SULT1C2: variants seen among roughly 807,000 people sequenced by gnomAD.
The protein encoded by SULT1C2 is sulfotransferase family 1C member 2, also known as sulfotransferase 1C2.
A neutral mutation model predicts 36.0 loss-of-function variants in SULT1C2; 27 were observed. That is an observed-to-expected ratio of 0.75 (90% CI 0.55 to 1.03). The LOEUF is 1.03. Ranked by LOEUF, SULT1C2 falls within the 50% of genes least tolerant of loss-of-function variation. SULT1C2 has a pLI of 0.00. For missense variants in SULT1C2, 395 were observed against 359.2 expected (o/e 1.10, Z -0.80); for synonymous variants, 121 against 116.0 (o/e 1.04, Z -0.27).
intron 3 of SULT1C2, among the ~76,000 whole-genome samples, chr2:108,296,288 G>C (rs1001458446): frequency 6.6e-6 from 1 of 152,206 alleles, no homozygotes; most frequent in Non-Finnish European, 1.5e-5. Context: ...TCCAGAGAAA[G>C]GATGGTAATC....
chr2:108,294,761 A>C (rs952868288), intron 3 of SULT1C2, among the ~76,000 whole-genome samples: 1 of 151,944 alleles, frequency 6.6e-6, no homozygotes, highest in African/African-American at 2.4e-5. Context: ...CCAAGAATCG[A>C]TAATTCACAC....
At chr2:108,290,278 C>T (rs903027723) in intron 1 of SULT1C2, among the ~76,000 whole-genome samples, 3 of 152,134 alleles carry the variant, frequency 2.0e-5, no homozygotes, top group Admixed American at 1.3e-4. Context: ...CCTGGTGTTG[C>T]CTTGTGTGTC....
At chr2:108,289,854 C>T (rs1234569739) in intron 1 of SULT1C2, among the ~76,000 whole-genome samples, 2 of 152,184 alleles carry the variant, frequency 1.3e-5, no homozygotes, top group Admixed American at 6.5e-5. Flanking sequence ...ATCTCCTTCT[C>T]CCAGCTTTAG....
intron 4 of SULT1C2, chr2:108,302,779 A>G (rs1220062878): frequency 1.3e-5 from 2 of 152,246 alleles, no homozygotes; most frequent in Non-Finnish European, 2.9e-5. Context: ...CAGAAATATT[A>G]AGTAAATAAA....
intron 1 of SULT1C2, among the ~76,000 whole-genome samples, chr2:108,291,337 A>C (rs1676585073): frequency 6.6e-6 from 1 of 152,168 alleles, no homozygotes; most frequent in Admixed American, 6.5e-5. Context: ...TTGTGGTCAC[A>C]TTAGACCCAC....
chr2:108,294,232 C>T lies in SULT1C2; in HGVS notation c.155C>T (p.Thr52Ile), dbSNP rs1339157822. Residue 52 changes from threonine (T) to isoleucine (I), a missense_variant, in exon 3 of 8, where the codon ACA becomes ATA. By Grantham distance (89) the Thr-to-Ile change is moderately conservative. Coordinates refer to ENST00000251481, the MANE Select transcript of SULT1C2 (RefSeq NM_001056.4). ...LLICTYPKAGTTWIQEIVDMI... is the reference protein window; with the variant it reads ...LLICTYPKAGITWIQEIVDMI... ...ATCCTTCCTTTCTGAGCCTCAGGGA[C>T]AACGTGGATTCAGGAAATTGTGGAT... is the stretch of plus-strand genomic sequence containing the variant. 1.9e-6 allele frequency: 3 copies of T among 1,613,636 alleles called. No homozygotes were observed. Among genetic ancestry groups the T allele is most frequent in the Non-Finnish European group, 2.5e-6 (3 of 1,179,840 alleles).
rs1475838758 is a variant in SULT1C2 at position 108,305,937 on chromosome 2, A to G, written c.778+342A>G. Among the ~76,000 whole-genome samples the G allele has an allele frequency of 2.0e-5, 3 of 152,198 alleles. No homozygotes were observed. In the East Asian group the frequency reaches 5.8e-4, roughly 29 times the overall value. ...GACCTCCCAGGGGCCGCTGGATCTCAGGGTCCAGGACTCAGCAGCAGGAGG... is the reference window on the plus strand; with the variant it reads ...GACCTCCCAGGGGCCGCTGGATCTCGGGGTCCAGGACTCAGCAGCAGGAGG... On this transcript the variant is annotated intron_variant, in intron 7 of 7. Coordinates refer to ENST00000251481, the MANE Select transcript of SULT1C2 (RefSeq NM_001056.4).
At chr2:108,290,013 G>A (rs1455445850) in intron 1 of SULT1C2, among the ~76,000 whole-genome samples, 2 of 152,130 alleles carry the variant, frequency 1.3e-5, no homozygotes, top group South Asian at 2.1e-4. Flanking sequence ...CCAGGCCCTC[G>A]GTCATCAGCT....
chr2:108,305,687 C>A, intron 7 of SULT1C2, 92 bp downstream of exon 7: 5 of 1,470,912 alleles, frequency 3.4e-6, no homozygotes, highest in Non-Finnish European at 4.7e-6. Flanking sequence ...TAATTCCAAG[C>A]CAATGCATTT....
At chr2:108,302,197 A>T (rs935886365) in intron 4 of SULT1C2, 1 of 152,196 alleles carries the variant, frequency 6.6e-6, no homozygotes, top group Non-Finnish European at 1.5e-5. Flanking sequence ...GATGACCTGG[A>T]TAATCCAGCA....
chr2:108,302,904 G>T (rs1381211729), intron 4 of SULT1C2: 5 of 152,182 alleles, frequency 3.3e-5, no homozygotes, highest in African/African-American at 9.7e-5. Context: ...AGGTTTGAGG[G>T]TAAAGGTTTG....
At chr2:108,299,727 G>C (rs557486348) in intron 3 of SULT1C2, 1 of 151,980 alleles carries the variant, frequency 6.6e-6, no homozygotes, top group East Asian at 1.9e-4. Context: ...TCCACTTCTG[G>C]GTATATATCC....
chr2:108,303,606 C>T (rs909006772), intron 4 of SULT1C2: 1 of 152,158 alleles, frequency 6.6e-6, no homozygotes, highest in Non-Finnish European at 1.5e-5. Context: ...GGCAGTTCCT[C>T]CAGAGTCAGC....
At chr2:108,294,142 C>T (rs1676664192) in intron 2 of SULT1C2, 87 bp from the exon 3 acceptor site, 4 of 1,568,116 alleles carry the variant, frequency 2.6e-6, no homozygotes, top group African/African-American at 1.4e-5. Context: ...AACACCAAGG[C>T]TCTACATCCT....
At chr2:108,302,897 T>A (rs1170909260) in intron 4 of SULT1C2, 1 of 151,614 alleles carries the variant, frequency 6.6e-6, no homozygotes, top group Admixed American at 6.6e-5. Flanking sequence ...GACAGGAAGG[T>A]TTGAGGGTAA....
chr2:108,300,979 A>G, intron 4 of SULT1C2, 44 bp downstream of exon 4: 1 of 1,610,374 alleles, frequency 6.2e-7, no homozygotes, highest in Non-Finnish European at 8.5e-7. Flanking sequence ...AAAGTAAGCC[A>G]ACCAAAGCGA....
chr2:108,298,514 AC>A (rs1373053927), intron 3 of SULT1C2: 4 of 227,730 alleles, frequency 1.8e-5, no homozygotes, highest in Non-Finnish European at 3.6e-5. Flanking sequence ...AGTAGCTGGG[AC>A]TACAGGTGCG....
intron 1 of SULT1C2, among the ~76,000 whole-genome samples, chr2:108,289,906 A>G (rs1676548600): frequency 6.6e-6 from 1 of 152,174 alleles, no homozygotes; most frequent in South Asian, 2.1e-4. Context: ...AACAAGAGCA[A>G]TACAGTGGGA....
At position 108,306,380 on chromosome 2, in the gene SULT1C2, G is replaced by C. The variant is rs185397355; in HGVS notation, c.778+785G>C. 9.7e-4 allele frequency among the ~76,000 whole-genome samples: 148 copies of C among 152,316 alleles called. 3 individuals are homozygous for C. Among genetic ancestry groups the C allele is most frequent in the East Asian group, 3.9e-4 (2 of 5,186 alleles). ...CACGTTTTGGAAAGCTGAGGCATGA[G>C]GATTGCTTGAGGCTAGGAGTTCGAA... On this transcript the variant is annotated intron_variant, in intron 7 of 7. Coordinates refer to ENST00000251481, the MANE Select transcript of SULT1C2 (RefSeq NM_001056.4).
Sources: gnomAD v4.1 joint callset for allele counts (sites outside exome capture counted in the v4.1 genomes callset) on GRCh38, gnomAD v4.1.1 for gene constraint, MANE v1.5 for transcripts, NCBI Gene and HGNC (gene_info 2026-07-23, HGNC 2026-07-21) for gene names.